UBAP2L: variants seen among roughly 807,000 people sequenced by gnomAD.
UBAP2L encodes the protein ubiquitin-associated protein 2-like.
Under a neutral mutation model 130.6 loss-of-function variants are expected in UBAP2L, and 12 were observed. The ratio of observed to expected loss-of-function variants is 0.09; its 90% CI spans 0.06 to 0.15. UBAP2L has a LOEUF of 0.15. UBAP2L is among the 10% of genes least tolerant of loss of function. UBAP2L has a pLI of 1.00. For synonymous variants in UBAP2L, 503 were observed against 524.7 expected (o/e 0.96, Z 0.57); for missense variants, 965 against 1,332.5 (o/e 0.72, Z 4.29).
intron 1 of UBAP2L, among the ~76,000 whole-genome samples, chr1:154,221,770 T>C (rs1374087887): frequency 6.6e-6 from 1 of 152,238 alleles, no homozygotes; most frequent in Non-Finnish European, 1.5e-5. Context: ...ATGTTTTTGC[T>C]GCTGTCTTTA....
At chr1:154,234,037 C>T (rs922511031) in intron 4 of UBAP2L, among the ~76,000 whole-genome samples, 4 of 151,946 alleles carry the variant, frequency 2.6e-5, no homozygotes, top group African/African-American at 9.7e-5. Flanking sequence ...ACAAAAAAGA[C>T]TTTATGGCTG....
chr1:154,257,094 A>T lies in UBAP2L; in HGVS notation c.2189A>T (p.His730Leu). 1 of 1,613,864 alleles carries T rather than the reference A, an allele frequency of 6.2e-7. No individual in the cohort carries two copies. Among genetic ancestry groups the T allele is most frequent in the Non-Finnish European group, 8.5e-7 (1 of 1,179,970 alleles). The change falls in exon 19 of 27, where the codon CAT becomes CTT. Residue 730 changes from histidine to leucine, a missense_variant. His to Leu is a moderately conservative substitution (Grantham distance 99). Transcript: ENST00000428931. ...AGTGTGGAGAGTGAGGCGAATCTCC[A>T]TTCTTCCTCCAGCACTTTTTCCACC... ...HTSVESEANL[H>L]SSSSTFSTTS...
intron 11 of UBAP2L, among the ~76,000 whole-genome samples, chr1:154,248,901 GT>G (rs1256552605): frequency 8.5e-5 from 13 of 152,266 alleles, no homozygotes; most frequent in African/African-American, 3.1e-4. Flanking sequence ...ATGATATGAA[GT>G]TTTAATGGCT....
chr1:154,256,434 T>C (rs1679678161), intron 18 of UBAP2L, among the ~76,000 whole-genome samples: 1 of 152,114 alleles, frequency 6.6e-6, no homozygotes, highest in Admixed American at 6.5e-5. Context: ...CCCAGGAGTT[T>C]GAGACCAACC....
At chr1:154,220,254 TGGA>T, upstream of UBAP2L, 1 of 1,479,018 alleles carries the variant, frequency 6.8e-7, no homozygotes, top group East Asian at 2.3e-5. Flanking sequence ...GGTGAGTGGG[TGGA>T]GAATGCAGAC....
chr1:154,267,636 GT>G (rs1443435656), intron 25 of UBAP2L, among the ~76,000 whole-genome samples: 1 of 150,500 alleles, frequency 6.6e-6, no homozygotes, highest in Non-Finnish European at 1.5e-5. Context: ...TTGTATTTTT[GT>G]TTTTTGTTTG....
rs1294541649 is a variant in UBAP2L, at chr1:154,230,596, GT to G, written c.279+1878del. The stretch of plus-strand genomic sequence containing the variant: ...GGGGGAATCAGGTGGGGCTATTTAT[GT>G]TTTTTTAAAAGTCTGAATGTTTTTT... On this transcript the variant is annotated intron_variant, in intron 4 of 26. Transcript: ENST00000428931. Among the ~76,000 whole-genome samples the G allele has an allele frequency of 2.6e-5, 4 of 152,130 alleles. No individual in the cohort carries two copies. In the East Asian group the frequency reaches 7.7e-4, roughly 29 times the overall value.
At chr1:154,232,019 G>A (rs1571645749) in intron 4 of UBAP2L, among the ~76,000 whole-genome samples, 1 of 152,108 alleles carries the variant, frequency 6.6e-6, no homozygotes, top group African/African-American at 2.4e-5. Flanking sequence ...CCATGATTGA[G>A]TTTGATGGTA....
downstream of UBAP2L, chr1:154,271,141 T>C (rs906565591): frequency 7.0e-6 from 4 of 574,306 alleles, no homozygotes; most frequent in African/African-American, 7.5e-5. Context: ...TACAGCCGAT[T>C]TCAGGCAGTA....
rs139400008 is a variant in UBAP2L at position 154,225,630 on chromosome 1, A to G, written c.90+417A>G. On this transcript the variant is annotated intron_variant, in intron 2 of 26. Coordinates refer to ENST00000428931, the MANE Select transcript of UBAP2L (RefSeq NM_014847.4). ...GACTACCAGTGCACACTACCATGCC[A>G]GGCTAATTTTAAAATTCTTGTAGAG... Among the ~76,000 whole-genome samples the G allele has an allele frequency of 5.1e-3, 780 of 151,908 alleles. 3 individuals are homozygous for G. The highest frequency in any genetic ancestry group is 8.5e-3 in the Non-Finnish European group (577 of 67,930).
rs991126719 is a variant in UBAP2L at position 154,270,668 on chromosome 1, C to T, written c.*373C>T. Reference sequence around the variant, plus strand: ...TATCAGCCCAACAGCCCTAAGTCTCCTTCTTTATTATTAGGAAAACAACAA... The same window carrying T: ...TATCAGCCCAACAGCCCTAAGTCTCTTTCTTTATTATTAGGAAAACAACAA... On this transcript the variant is annotated 3_prime_UTR_variant, in exon 27 of 27. Coordinates refer to ENST00000428931, the MANE Select transcript of UBAP2L (RefSeq NM_014847.4). 6 of 1,411,112 alleles carry T rather than the reference C, an allele frequency of 4.3e-6. No individual in the cohort carries two copies. The African/African-American group carries it at 8.7e-5, about 20-fold the overall frequency. 87.4% of individuals were successfully genotyped at this position (1,411,112 alleles called of 1,614,324 possible). A position where few individuals can be genotyped will look rare whatever the true frequency, so the allele number is the denominator to read the frequency against.
intron 21 of UBAP2L, 183 bp from the exon 22 acceptor site, chr1:154,259,765 C>G (rs1287893285): frequency 1.3e-6 from 1 of 764,494 alleles, no homozygotes; most frequent in Non-Finnish European, 2.3e-6. Flanking sequence ...TGCTCATGGC[C>G]AGGCAGGGGG....
At chr1:154,250,974 A>C (rs930504430) in intron 12 of UBAP2L, 67 bp from the exon 13 acceptor site, 8 of 1,496,044 alleles carry the variant, frequency 5.3e-6, no homozygotes, top group Non-Finnish European at 6.3e-6. Flanking sequence ...GTGCTAGTGC[A>C]GGACAATAGC....
intron 5 of UBAP2L, 84 bp downstream of exon 5, chr1:154,234,843 C>G: frequency 3.3e-6 from 5 of 1,521,308 alleles, no homozygotes; most frequent in Non-Finnish European, 4.5e-6. Context: ...CTAGTCAGGA[C>G]CTAGGAACCA....
intron 26 of UBAP2L, chr1:154,269,498 C>T: frequency 8.7e-7 from 1 of 1,154,874 alleles, no homozygotes; most frequent in South Asian, 1.3e-5. Context: ...CTTGAAAAGA[C>T]TGCGCGGTCA....
intron 26 of UBAP2L, 30 bp from the exon 27 acceptor site, chr1:154,270,170 C>T: frequency 1.9e-6 from 3 of 1,549,024 alleles, no homozygotes; most frequent in African/African-American, 1.4e-5. Context: ...ACACCTTTTT[C>T]CTCCTCATGA....
chr1:154,220,258 GA>G, upstream of UBAP2L: 2 of 1,498,984 alleles, frequency 1.3e-6, no homozygotes, highest in Non-Finnish European at 1.9e-6. Context: ...AGTGGGTGGA[GA>G]ATGCAGACGG....
chr1:154,222,232 G>C (rs1329138294), intron 1 of UBAP2L, among the ~76,000 whole-genome samples: 1 of 152,150 alleles, frequency 6.6e-6, no homozygotes, highest in Non-Finnish European at 1.5e-5. Context: ...CTTGCTGGGA[G>C]GTGATGGACA....
chr1:154,236,461 A>G (rs1671715660), intron 6 of UBAP2L, 105 bp from the exon 7 acceptor site: 3 of 1,243,134 alleles, frequency 2.4e-6, no homozygotes, highest in Non-Finnish European at 3.5e-6. Context: ...CAGCCTTTCA[A>G]AGTGCTGGGA....
Sources: allele counts gnomAD v4.1 joint callset (sites outside exome capture counted in the v4.1 genomes callset), GRCh38; gene constraint gnomAD v4.1.1; transcripts MANE v1.5; gene names NCBI Gene and HGNC (gene_info 2026-07-23, HGNC 2026-07-21).